Variants in KYNU observed in about 807,000 individuals in gnomAD.
The protein encoded by KYNU is L-kynurenine hydrolase.
KYNU carries 54 observed loss-of-function variants against 59.2 expected under a neutral mutation model. That is an observed-to-expected ratio of 0.91 (90% CI 0.73 to 1.14). The LOEUF (loss-of-function observed/expected upper bound fraction) is 1.14, where lower values mean the gene tolerates loss of function less well. Ranked by LOEUF, KYNU falls within the 50% of genes most tolerant of loss-of-function variation. KYNU has a pLI of 0.00. For missense variants in KYNU, 567 were observed against 554.4 expected, an observed-to-expected ratio of 1.02 and a Z score of -0.23; for synonymous variants, 177 against 192.0, an observed-to-expected ratio of 0.92 and a Z score of 0.65.
In KYNU at chr2:143,007,805, C is replaced by T. The variant is rs940059872; in HGVS notation, c.902+21784C>T. Among the ~76,000 whole-genome samples, 2 of 124,326 alleles carry T rather than the reference C, an allele frequency of 1.6e-5. 1 individual carries two copies. The highest frequency in any genetic ancestry group is 7.2e-5 in the African/African-American group (2 of 27,712). The allele number at this position is 124,326 out of a possible 152,430, so 81.6% of individuals were successfully genotyped here. ...ACCCAGAATTTCATACCCAGCCAAA[C>T]TAAGCTTCATAAGTGAAGGAGAAAT... On this transcript the variant is annotated intron_variant, in intron 10 of 13. Transcript: ENST00000264170.
rs3816193 is a variant in KYNU at position 143,042,338 on chromosome 2, G to A, written c.*166G>A. On this transcript the variant is annotated 3_prime_UTR_variant, in exon 14 of 14. Coordinates refer to ENST00000264170, the MANE Select transcript of KYNU (RefSeq NM_003937.3). ...CTGATATAATTTTTCAGAGTCTGTG[G>A]CACTAAGGAGTCCACAGGGCTGCCT... 123,099 of 714,714 alleles carry A rather than the reference G, an allele frequency of 0.17. 11,127 individuals carry two copies. The highest frequency in any genetic ancestry group is 0.29 in the East Asian group (9,594 of 32,942). 44.3% of individuals were successfully genotyped at this position (714,714 alleles called of 1,614,324 possible). A position where few individuals can be genotyped will look rare whatever the true frequency, so the allele number is the denominator to read the frequency against.
Position 143,044,581 on chromosome 2 carries a change from C to G in KYNU, c.*2409C>G, listed in dbSNP as rs528019000. ...TTTTGATTTGCATTTCTCTAATGACCAGTGATGATGAGTTTTTTTTCATAT... is the reference window on the plus strand; with the variant it reads ...TTTTGATTTGCATTTCTCTAATGACGAGTGATGATGAGTTTTTTTTCATAT... On this transcript the variant is annotated 3_prime_UTR_variant, in exon 14 of 14. Coordinates refer to ENST00000264170, the MANE Select transcript of KYNU (RefSeq NM_003937.3). 6.6e-6 allele frequency: 1 copy of G among 152,230 alleles called. No individual in the cohort carries two copies. The highest frequency in any genetic ancestry group is 1.9e-4 in the East Asian group (1 of 5,176). 9.4% of individuals were successfully genotyped at this position (152,230 alleles called of 1,614,324 possible). A position where few individuals can be genotyped will look rare whatever the true frequency, so the allele number is the denominator to read the frequency against.
At chr2:142,939,597 T>G (rs1573814338) in intron 4 of KYNU, among the ~76,000 whole-genome samples, 1 of 60,106 alleles carries the variant, frequency 1.7e-5, no homozygotes. Context: ...CGAGACTCCA[T>G]CTCACAAAAA....
intron 2 of KYNU, among the ~76,000 whole-genome samples, chr2:142,901,983 A>G (rs1435208982): frequency 3.3e-5 from 5 of 152,200 alleles, no homozygotes; most frequent in Non-Finnish European, 7.3e-5. Flanking sequence ...GGCGGGGTTA[A>G]GAGTTGCGCA....
intron 4 of KYNU, among the ~76,000 whole-genome samples, chr2:142,948,529 G>A (rs1683875673): frequency 6.6e-6 from 1 of 152,248 alleles, no homozygotes; most frequent in Admixed American, 6.5e-5. Flanking sequence ...GTGGCAGAAG[G>A]TAAGGAGGAG....
intron 2 of KYNU, among the ~76,000 whole-genome samples, chr2:142,889,547 T>C (rs2104918486): frequency 8.4e-6 from 1 of 119,168 alleles, no homozygotes; most frequent in Non-Finnish European, 1.7e-5. Flanking sequence ...AGAAAGACCT[T>C]GTTTCTGAGG....
At chr2:142,994,611 C>T (rs1685488495) in intron 10 of KYNU, among the ~76,000 whole-genome samples, 2 of 151,938 alleles carry the variant, frequency 1.3e-5, no homozygotes, top group South Asian at 4.1e-4. Context: ...TTTTTAAGGG[C>T]CCAATGATCC....
In KYNU at chr2:143,047,554, TC is replaced by T. The variant is rs1687185779; in HGVS notation, c.*5383del. On this transcript the variant is annotated 3_prime_UTR_variant, in exon 14 of 14. Coordinates refer to ENST00000264170, the MANE Select transcript of KYNU (RefSeq NM_003937.3). Reference sequence around the variant, plus strand: ...TTCTCTCTCTTTCTCTTTCTCTCTTTCTTTCTTTCTTTCTTTCTCACAGGGT... The same window carrying T: ...TTCTCTCTCTTTCTCTTTCTCTCTTTTTTCTTTCTTTCTTTCTCACAGGGT... 6.6e-6 allele frequency: 1 copy of T among 151,196 alleles called. No individual in the cohort carries two copies. The highest frequency in any genetic ancestry group is 1.5e-5 in the Non-Finnish European group (1 of 67,774). 9.4% of individuals were successfully genotyped at this position (151,196 alleles called of 1,614,324 possible).
At chr2:142,916,724 A>G (rs74779355) in intron 2 of KYNU, among the ~76,000 whole-genome samples, 1,538 of 152,298 alleles carry the variant, frequency 0.01, 20 homozygotes, top group African/African-American at 0.036. Flanking sequence ...GCTAAATTCA[A>G]TGCAGGAAGA....
chr2:142,906,789 A>T (rs1347385553), intron 2 of KYNU, among the ~76,000 whole-genome samples: 1 of 152,016 alleles, frequency 6.6e-6, no homozygotes, highest in Non-Finnish European at 1.5e-5. Flanking sequence ...TTGAGTAGAG[A>T]CTTCTAGCCT....
At chr2:142,882,291 T>C (rs1048046525) in intron 1 of KYNU, among the ~76,000 whole-genome samples, 1 of 152,152 alleles carries the variant, frequency 6.6e-6, no homozygotes, top group African/African-American at 2.4e-5. Flanking sequence ...GTTTCTCTCC[T>C]GAACTACTGT....
intron 10 of KYNU, among the ~76,000 whole-genome samples, chr2:143,006,803 C>A (rs544333047): frequency 1.3e-5 from 2 of 152,062 alleles, no homozygotes; most frequent in East Asian, 3.9e-4. Context: ...CACACTGACA[C>A]CTCACACGGC....
chr2:143,035,915 A>G (rs896582823), intron 12 of KYNU, among the ~76,000 whole-genome samples: 1 of 152,048 alleles, frequency 6.6e-6, no homozygotes, highest in Non-Finnish European at 1.5e-5. Flanking sequence ...TGGGACTACA[A>G]GAGTGCACCA....
At chr2:142,903,228 G>T (rs1337541458) in intron 2 of KYNU, among the ~76,000 whole-genome samples, 2 of 152,036 alleles carry the variant, frequency 1.3e-5, no homozygotes, top group Non-Finnish European at 2.9e-5. Flanking sequence ...TACTGCCTTT[G>T]GTAGGGAAAG....
chr2:142,987,788 C>A (rs1385118826), intron 10 of KYNU, among the ~76,000 whole-genome samples: 1 of 151,826 alleles, frequency 6.6e-6, no homozygotes, highest in African/African-American at 2.4e-5. Context: ...AATTGTAATC[C>A]CCAGTGTTGG....
In KYNU at chr2:143,055,218, G is replaced by A. The variant is rs1408937778; in HGVS notation, c.*13046G>A. 1 of 152,196 alleles carries A rather than the reference G, an allele frequency of 6.6e-6. No individual in the cohort carries two copies. The highest frequency in any genetic ancestry group is 1.9e-4 in the East Asian group (1 of 5,192). The allele number at this position is 152,196 out of a possible 1,614,324, so 9.4% of individuals were successfully genotyped here. On this transcript the variant is annotated 3_prime_UTR_variant, in exon 14 of 14. Transcript: ENST00000264170. ...TATCTTACAGTTCCATAGGTTAGAAGTTCAACATGGGTCTCATGAGATCAA... is the reference window on the plus strand; with the variant it reads ...TATCTTACAGTTCCATAGGTTAGAAATTCAACATGGGTCTCATGAGATCAA...
rs112738856 is a variant in KYNU, at chr2:142,966,977, TA to T, written c.729+6218del. On this transcript the variant is annotated intron_variant, in intron 8 of 13. Transcript: ENST00000264170. Reference sequence around the variant, plus strand: ...TCACTGAATAGTTCCACACTAGAATTAAAAAAAAAAAGAAAAGAATAATCTA... The same window carrying T: ...TCACTGAATAGTTCCACACTAGAATTAAAAAAAAAAGAAAAGAATAATCTA... Among the ~76,000 whole-genome samples the T allele has an allele frequency of 3.6e-3, 522 of 146,052 alleles. 1 individual carries two copies. Among genetic ancestry groups the T allele is most frequent in the African/African-American group, 9.3e-3 (370 of 39,790 alleles).
chr2:143,017,786 G>A (rs1181718849), intron 10 of KYNU, among the ~76,000 whole-genome samples: 5 of 151,956 alleles, frequency 3.3e-5, no homozygotes, highest in Non-Finnish European at 7.4e-5. Flanking sequence ...GTGAGGTGGT[G>A]TATCATTGTG....
chr2:143,037,357 G>A (rs554989408), intron 12 of KYNU, among the ~76,000 whole-genome samples: 3 of 152,156 alleles, frequency 2.0e-5, no homozygotes, highest in Non-Finnish European at 4.4e-5. Context: ...ATTATATTTT[G>A]AGGGTTCATA....
Sources: gnomAD v4.1 joint callset for allele counts (sites outside exome capture counted in the v4.1 genomes callset) on GRCh38, gnomAD v4.1.1 for gene constraint, MANE v1.5 for transcripts, NCBI Gene and HGNC (gene_info 2026-07-23, HGNC 2026-07-21) for gene names.